TRIM33: variants seen among roughly 807,000 people sequenced by gnomAD.
The protein encoded by TRIM33 is tripartite motif containing 33.
Under a neutral mutation model 125.4 loss-of-function variants are expected in TRIM33, and 20 were observed. The ratio of observed to expected loss-of-function variants is 0.16; its 90% CI spans 0.11 to 0.23. TRIM33 has a LOEUF of 0.23. TRIM33 is among the 10% of genes least tolerant of loss of function. TRIM33 has a pLI of 1.00. For synonymous variants in TRIM33, 564 were observed against 513.9 expected (o/e 1.10, Z -1.32); for missense variants, 920 against 1,411.4 (o/e 0.65, Z 5.58).
At chr1:114,484,661 G>A (rs1335166642) in intron 1 of TRIM33, among the ~76,000 whole-genome samples, 3 of 152,246 alleles carry the variant, frequency 2.0e-5, no homozygotes, top group African/African-American at 4.8e-5. Context: ...TCAGGAGTTC[G>A]AAACCAGCCT....
Position 114,407,036 on chromosome 1 carries a change from C to T in TRIM33, c.2323G>A (p.Val775Ile). The change falls in exon 14 of 20, where the codon GTC becomes ATC. Residue 775 changes from valine (V) to isoleucine (I), a missense_variant. By Grantham distance (29) the Val-to-Ile change is conservative. Around this residue, in one of 8 missense-constraint regions of TRIM33, gnomAD observed 407 missense variants for 589.7 expected, o/e 0.69. Coordinates refer to ENST00000358465, the MANE Select transcript of TRIM33 (RefSeq NM_015906.4). ...TCTTCAGTCCCAGGTTCTTGCTTGACCTTCACCTGATCAGATTTGAAACTA... is the reference window on the plus strand; with the variant it reads ...TCTTCAGTCCCAGGTTCTTGCTTGATCTTCACCTGATCAGATTTGAAACTA... ...SLSFKSDQVK[V>I]KQEPGTEDEI... is the part of the protein sequence containing the mutation. 1 of 1,614,008 alleles carries T rather than the reference C, an allele frequency of 6.2e-7. No homozygotes were observed. Among genetic ancestry groups the T allele is most frequent in the Non-Finnish European group, 8.5e-7 (1 of 1,179,910 alleles).
intron 10 of TRIM33, among the ~76,000 whole-genome samples, chr1:114,424,054 A>G (rs1401582219): frequency 6.6e-6 from 1 of 152,192 alleles, no homozygotes; most frequent in African/African-American, 2.4e-5. Context: ...CCATATAAAC[A>G]TAACCAGGCA....
In TRIM33 at chr1:114,393,277, T is replaced by C. The variant is rs1651375026; in HGVS notation, c.*4371A>G. 5.0e-6 allele frequency: 1 copy of C among 201,470 alleles called. No homozygotes were observed. Among genetic ancestry groups the C allele is most frequent in the South Asian group, 1.9e-4 (1 of 5,258 alleles). The allele number at this position is 201,470 out of a possible 1,614,324, so 12.5% of individuals were successfully genotyped here. A position where few individuals can be genotyped will look rare whatever the true frequency, so the allele number is the denominator to read the frequency against. On this transcript the variant is annotated 3_prime_UTR_variant, in exon 20 of 20. Transcript: ENST00000358465. ...ATCTTTTTTTATAGGCTTATGTATA[T>C]GTTTCACTGTGTTTTAAAATGTAGT...
chr1:114,483,110 G>A (rs532652292), intron 1 of TRIM33, among the ~76,000 whole-genome samples: 4 of 152,234 alleles, frequency 2.6e-5, no homozygotes, highest in African/African-American at 9.6e-5. Context: ...TTCGAGACCA[G>A]CCTGGGTAAC....
chr1:114,427,443 C>A, intron 7 of TRIM33, 149 bp from the exon 8 acceptor site: 1 of 580,216 alleles, frequency 1.7e-6, no homozygotes, highest in Non-Finnish European at 3.1e-6. Context: ...GCAATCAAAT[C>A]AAATATACAT....
At chr1:114,406,588 T>G (rs1307158031) in intron 14 of TRIM33, among the ~76,000 whole-genome samples, 1 of 152,144 alleles carries the variant, frequency 6.6e-6, no homozygotes, top group Non-Finnish European at 1.5e-5. Context: ...AGCTCACAGG[T>G]CCAGGAGAAT....
intron 4 of TRIM33, among the ~76,000 whole-genome samples, chr1:114,456,831 TA>T (rs1420807448): frequency 6.6e-6 from 1 of 152,128 alleles, no homozygotes; most frequent in Non-Finnish European, 1.5e-5. Context: ...GCAATGGTGA[TA>T]AAAAGTTTGG....
rs376128264 is a variant in TRIM33, at chr1:114,480,424, CTA to C, written c.527-16038_527-16037del. Among the ~76,000 whole-genome samples the C allele has an allele frequency of 4.8e-3, 715 of 148,174 alleles. 6 individuals are homozygous for C. The highest frequency in any genetic ancestry group is 0.017 in the African/African-American group (676 of 39,758). On this transcript the variant is annotated intron_variant, in intron 1 of 19. Coordinates refer to ENST00000358465, the MANE Select transcript of TRIM33 (RefSeq NM_015906.4). ...CTGCTGACCTTCCTCCACTATTGTC[CTA>C]TGACCCTGCCAAATCCCCCTCTGCG... is the stretch of plus-strand genomic sequence containing the variant.
intron 11 of TRIM33, among the ~76,000 whole-genome samples, chr1:114,410,775 C>T (rs1042994802): frequency 2.3e-5 from 3 of 129,904 alleles, no homozygotes; most frequent in African/African-American, 9.4e-5. Flanking sequence ...AGGCCCCTTA[C>T]TACAAAAAAA....
At chr1:114,418,320 G>A (rs1653063155) in intron 11 of TRIM33, among the ~76,000 whole-genome samples, 1 of 152,208 alleles carries the variant, frequency 6.6e-6, no homozygotes, top group African/African-American at 2.4e-5. Context: ...AATTCGAGGT[G>A]AGATTTGGGT....
In TRIM33 at chr1:114,492,345, T is replaced by C. The variant is rs1327815947; in HGVS notation, c.526+18206A>G. 5.3e-5 allele frequency among the ~76,000 whole-genome samples: 8 copies of C among 152,336 alleles called. No individual in the cohort carries two copies. In the Middle Eastern group the frequency reaches 0.01, roughly 194 times the overall value. On this transcript the variant is annotated intron_variant, in intron 1 of 19. Coordinates refer to ENST00000358465, the MANE Select transcript of TRIM33 (RefSeq NM_015906.4). ...ACATATTTTAACATTTTTATTGTGG[T>C]ATATACATATAACATAAAATTTGCC...
At position 114,471,310 on chromosome 1, in the gene TRIM33, G is replaced by A. The variant is rs371624262; in HGVS notation, c.527-6922C>T. ...ACAAAAGTTAGCTGGGTGTGGTGGCGTGCACCTCTAGTCCCAGCTACTCGG... is the reference window on the plus strand; with the variant it reads ...ACAAAAGTTAGCTGGGTGTGGTGGCATGCACCTCTAGTCCCAGCTACTCGG... On this transcript the variant is annotated intron_variant, in intron 1 of 19. Transcript: ENST00000358465. Among the ~76,000 whole-genome samples, 5 of 152,078 alleles carry A rather than the reference G, an allele frequency of 3.3e-5. No homozygotes were observed. The South Asian group carries it at 1.0e-3, about 32-fold the overall frequency.
chr1:114,487,156 C>A (rs1651749512), intron 1 of TRIM33, among the ~76,000 whole-genome samples: 1 of 149,884 alleles, frequency 6.7e-6, no homozygotes, highest in African/African-American at 2.5e-5. Flanking sequence ...AATACATAAA[C>A]CTACATATAA....
intron 13 of TRIM33, 152 bp from the exon 14 acceptor site, chr1:114,407,252 T>G: frequency 1.5e-6 from 1 of 680,374 alleles, no homozygotes. Flanking sequence ...TTAAGGGGAA[T>G]GTGGTATAAA....
At chr1:114,430,458 G>T (rs770200950) in intron 6 of TRIM33, among the ~76,000 whole-genome samples, 3 of 152,080 alleles carry the variant, frequency 2.0e-5, no homozygotes, top group African/African-American at 4.8e-5. Context: ...GCCTGGGCTG[G>T]GCTGGATCCC....
intron 1 of TRIM33, among the ~76,000 whole-genome samples, chr1:114,474,194 C>T (rs1650832809): frequency 6.6e-6 from 1 of 151,968 alleles, no homozygotes; most frequent in Admixed American, 6.6e-5. Flanking sequence ...AGTCACTGCC[C>T]CCAGCCCAGA....
At chr1:114,472,136 T>G (rs1025655118) in intron 1 of TRIM33, among the ~76,000 whole-genome samples, 6 of 152,202 alleles carry the variant, frequency 3.9e-5, no homozygotes, top group Non-Finnish European at 7.3e-5. Flanking sequence ...TGAATAAAAT[T>G]TTTAAACTTA....
At chr1:114,480,328 G>A (rs1252729988) in intron 1 of TRIM33, among the ~76,000 whole-genome samples, 1 of 151,956 alleles carries the variant, frequency 6.6e-6, no homozygotes, top group African/African-American at 2.4e-5. Flanking sequence ...AGTACCCAGG[G>A]ACACAAACAC....
At chr1:114,460,270 G>A (rs964836142) in intron 4 of TRIM33, 2 of 188,184 alleles carry the variant, frequency 1.1e-5, no homozygotes, top group Admixed American at 5.1e-5. Flanking sequence ...GACAAAGACC[G>A]CAAAAAGATC....
Sources: gnomAD v4.1 joint callset for allele counts (sites outside exome capture counted in the v4.1 genomes callset) on GRCh38, gnomAD v4.1.1 for gene constraint, gnomAD v4.1.1 regional missense constraint, MANE v1.5 for transcripts, NCBI Gene and HGNC (gene_info 2026-07-23, HGNC 2026-07-21) for gene names.